PRR5L: variants seen among roughly 807,000 people sequenced by gnomAD.
PRR5L encodes proline rich 5 like, also known as proline-rich protein 5-like.
PRR5L carries 21 observed loss-of-function variants against 36.4 expected under a neutral mutation model. The observed-to-expected ratio is 0.58, with a 90% CI of 0.41 to 0.83. PRR5L has a LOEUF of 0.83. Among genes scored for constraint, PRR5L ranks in the 40% least tolerant of loss-of-function variants. The probability of loss-of-function intolerance (pLI) is 0.00; values close to 1 mark genes in which losing one functional copy is unlikely to be tolerated. For missense variants in PRR5L, 381 were observed against 473.3 expected (o/e 0.80, Z 1.81); for synonymous variants, 188 against 197.0 (o/e 0.95, Z 0.38).
At chr11:36,301,146 G>T in intron 1 of PRR5L, 1 of 152,656 alleles carries the variant, frequency 6.6e-6, no homozygotes. Flanking sequence ...GGAGATCTAT[G>T]GATGGTTTTG....
chr11:36,404,740 C>G (rs1208557065), intron 3 of PRR5L, among the ~76,000 whole-genome samples: 1 of 152,162 alleles, frequency 6.6e-6, no homozygotes, highest in Admixed American at 6.5e-5. Flanking sequence ...GTTTTAAGAG[C>G]TCTACTTTCA....
intron 1 of PRR5L, among the ~76,000 whole-genome samples, chr11:36,320,691 G>A (rs1017591054): frequency 1.3e-5 from 2 of 152,204 alleles, no homozygotes; most frequent in African/African-American, 4.8e-5. Flanking sequence ...GTGTGAACTG[G>A]TATAGAGTAG....
At chr11:36,414,254 G>A (rs1305863770) in intron 3 of PRR5L, among the ~76,000 whole-genome samples, 1 of 151,002 alleles carries the variant, frequency 6.6e-6, no homozygotes. Flanking sequence ...GGGTCAAATG[G>A]TATTTCTAGT....
intron 1 of PRR5L, among the ~76,000 whole-genome samples, chr11:36,348,352 ATAT>A (rs747761509): frequency 1.6e-4 from 24 of 152,264 alleles, no homozygotes; most frequent in Non-Finnish European, 2.1e-4. Flanking sequence ...CTCCATGGAT[ATAT>A]CCTTGGAGAG....
At chr11:36,319,840 T>C (rs771848540) in intron 1 of PRR5L, among the ~76,000 whole-genome samples, 4 of 152,172 alleles carry the variant, frequency 2.6e-5, no homozygotes, top group South Asian at 2.1e-4. Flanking sequence ...AAATAAAGCA[T>C]AGACAAATTA....
chr11:36,445,468 TG>T (rs1858809135), intron 6 of PRR5L, among the ~76,000 whole-genome samples: 1 of 152,208 alleles, frequency 6.6e-6, no homozygotes, highest in African/African-American at 2.4e-5. Context: ...CAAGAACAAC[TG>T]ATTTTTAGTG....
At chr11:36,351,691 T>A (rs1447281725) in intron 1 of PRR5L, among the ~76,000 whole-genome samples, 1 of 45,830 alleles carries the variant, frequency 2.2e-5, no homozygotes, top group Non-Finnish European at 4.0e-5. Context: ...ATTTATATAT[T>A]TATATATTTA....
rs371730916 is a variant in PRR5L at position 36,441,763 on chromosome 11, A to G, written c.444+4287A>G. Among the ~76,000 whole-genome samples the G allele has an allele frequency of 7.4e-4, 112 of 151,988 alleles. No individual in the cohort carries two copies. In the South Asian group the frequency reaches 0.022, roughly 29 times the overall value. On this transcript the variant is annotated intron_variant, in intron 6 of 8. Coordinates refer to ENST00000530639, the MANE Select transcript of PRR5L (RefSeq NM_001160167.2). ...TGCTTGGGCACCCAGGCTTTTCTAT[A>G]CATCTTCTGAAATCTAGGTGGAAGC...
chr11:36,328,396 T>C (rs899683444), intron 1 of PRR5L, among the ~76,000 whole-genome samples: 7 of 152,188 alleles, frequency 4.6e-5, no homozygotes, highest in African/African-American at 1.7e-4. Flanking sequence ...CCTTTGGTGC[T>C]GTTCTTGTGA....
Position 36,399,260 on chromosome 11 carries a change from A to G in PRR5L, c.-125-1737A>G, listed in dbSNP as rs552600561. Among the ~76,000 whole-genome samples, 165 of 152,354 alleles carry G rather than the reference A, an allele frequency of 1.1e-3. 1 individual carries two copies. The highest frequency in any genetic ancestry group is 1.6e-3 in the Non-Finnish European group (109 of 68,040). On this transcript the variant is annotated intron_variant, in intron 1 of 8. Transcript: ENST00000530639. The stretch of plus-strand genomic sequence containing the variant: ...ATTCTGAGCAGGGGGTGAAGGGGCA[A>G]AGACTGTACAGGAAAACAGGACATA...
intron 1 of PRR5L, among the ~76,000 whole-genome samples, chr11:36,351,328 T>A (rs1332756029): frequency 7.0e-5 from 5 of 71,446 alleles, no homozygotes; most frequent in Non-Finnish European, 9.4e-5. Flanking sequence ...TTATAAATAT[T>A]TATATATATT....
At chr11:36,426,440 G>A (rs1399705638) in intron 4 of PRR5L, among the ~76,000 whole-genome samples, 1 of 152,194 alleles carries the variant, frequency 6.6e-6, no homozygotes, top group Non-Finnish European at 1.5e-5. Context: ...ACTTCATATG[G>A]TTGATGTGGT....
chr11:36,363,298 A>C (rs914993228), intron 1 of PRR5L, among the ~76,000 whole-genome samples: 2 of 152,236 alleles, frequency 1.3e-5, no homozygotes, highest in Admixed American at 6.5e-5. Context: ...CATTCATGAC[A>C]CAAGTTATTT....
intron 1 of PRR5L, among the ~76,000 whole-genome samples, chr11:36,364,860 C>A (rs1464031791): frequency 6.6e-6 from 1 of 152,134 alleles, no homozygotes; most frequent in Admixed American, 6.5e-5. Context: ...ATCTCTAAAC[C>A]TCAATTTGTT....
intron 4 of PRR5L, among the ~76,000 whole-genome samples, chr11:36,420,155 G>A (rs1238505232): frequency 6.6e-6 from 1 of 152,244 alleles, no homozygotes. Context: ...CGGCACCTTA[G>A]TGAAGTCAGA....
intron 6 of PRR5L, among the ~76,000 whole-genome samples, chr11:36,445,849 T>C (rs538073136): frequency 6.6e-6 from 1 of 152,340 alleles, no homozygotes; most frequent in Admixed American, 6.5e-5. Context: ...TTATTTTTCT[T>C]CCTAAATTAC....
At chr11:36,366,922 C>T (rs756168374) in intron 1 of PRR5L, among the ~76,000 whole-genome samples, 1 of 152,100 alleles carries the variant, frequency 6.6e-6, no homozygotes, top group East Asian at 1.9e-4. Context: ...CTTCCCTTCT[C>T]CTCCCTTCTC....
Position 36,376,247 on chromosome 11 carries a change from G to A in PRR5L, c.-125-24750G>A. 4.0e-6 allele frequency: 5 copies of A among 1,255,990 alleles called. No individual in the cohort carries two copies. In the African/African-American group the frequency reaches 4.7e-5, roughly 12 times the overall value. 77.8% of individuals were successfully genotyped at this position (1,255,990 alleles called of 1,614,324 possible). A position where few individuals can be genotyped will look rare whatever the true frequency, so the allele number is the denominator to read the frequency against. ...AGTGAGATGGGGTGAAGTGAGTTGG[G>A]GGACATTGGAGAGACACTAAAGCTA... On this transcript the variant is annotated intron_variant, in intron 1 of 8. Coordinates refer to ENST00000530639, the MANE Select transcript of PRR5L (RefSeq NM_001160167.2).
At chr11:36,371,331 G>A (rs1257080729) in intron 1 of PRR5L, among the ~76,000 whole-genome samples, 1 of 152,226 alleles carries the variant, frequency 6.6e-6, no homozygotes, top group Non-Finnish European at 1.5e-5. Context: ...TAGATCAGAT[G>A]CTGAGCATAT....
Sources: allele counts gnomAD v4.1 joint callset (sites outside exome capture counted in the v4.1 genomes callset), GRCh38; gene constraint gnomAD v4.1.1; transcripts MANE v1.5; gene names NCBI Gene and HGNC (gene_info 2026-07-23, HGNC 2026-07-21).